The following SLC4A4 variants were observed in gnomAD, a reference collection of about 807,000 sequenced individuals.
The protein encoded by SLC4A4 is electrogenic sodium bicarbonate cotransporter 1.
In SLC4A4, 27 loss-of-function variants were observed where a neutral mutation model predicts 111.5. That is an observed-to-expected ratio of 0.24 (90% CI 0.18 to 0.33). SLC4A4 has a LOEUF of 0.33. Among genes scored for constraint, SLC4A4 ranks in the 10% least tolerant of loss-of-function variants. SLC4A4 has a pLI of 1.00. For missense variants in SLC4A4, 909 were observed against 1,315.5 expected (o/e 0.69, Z 4.78); for synonymous variants, 443 against 463.4 (o/e 0.96, Z 0.57).
At chr4:71,147,483 T>C (rs1481863060) in intron 2 of SLC4A4, among the ~76,000 whole-genome samples, 1 of 152,104 alleles carries the variant, frequency 6.6e-6, no homozygotes, top group Non-Finnish European at 1.5e-5. Flanking sequence ...ACCACAGTGA[T>C]GCTTTTCCTT....
intron 3 of SLC4A4, among the ~76,000 whole-genome samples, chr4:71,320,256 C>T (rs1328668195): frequency 1.3e-5 from 2 of 152,106 alleles, no homozygotes; most frequent in African/African-American, 2.4e-5. Flanking sequence ...TACATATCAA[C>T]ACTGGGTTGC....
chr4:71,227,354 C>T lies in SLC4A4; in HGVS notation c.-1-9222C>T, dbSNP rs2579311. 6.2e-3 allele frequency among the ~76,000 whole-genome samples: 951 copies of T among 152,246 alleles called. 10 individuals are homozygous for T. Among genetic ancestry groups the T allele is most frequent in the African/African-American group, 0.022 (897 of 41,528 alleles). The stretch of plus-strand genomic sequence containing the variant: ...TCATCTTCCATGTAATGAAGAAACA[C>T]TGAAGGCACTTTAAAAGGAGAGATA... On this transcript the variant is annotated intron_variant, in intron 1 of 25. Coordinates refer to ENST00000264485, the MANE Select transcript of SLC4A4 (RefSeq NM_001098484.3).
intron 1 of SLC4A4, among the ~76,000 whole-genome samples, chr4:71,212,090 C>T (rs1343635553): frequency 1.3e-5 from 2 of 152,174 alleles, no homozygotes; most frequent in African/African-American, 4.8e-5. Context: ...AACCTTCCAG[C>T]CTTGGCTTGT....
At chr4:71,255,539 C>T in intron 3 of SLC4A4, 140 bp downstream of exon 3, 2 of 951,726 alleles carry the variant, frequency 2.1e-6, no homozygotes, top group Admixed American at 1.7e-5. Flanking sequence ...AGGATAATGT[C>T]TGTGGAGATG....
At chr4:71,465,716 A>G (rs1455204430) in intron 12 of SLC4A4, among the ~76,000 whole-genome samples, 3 of 151,900 alleles carry the variant, frequency 2.0e-5, no homozygotes, top group African/African-American at 7.2e-5. Flanking sequence ...CTTTGTTTTT[A>G]TTATTCTAAA....
In SLC4A4 at chr4:71,295,241, C is replaced by G. The variant is rs142042559; in HGVS notation, c.253+39842C>G. Among the ~76,000 whole-genome samples the G allele has an allele frequency of 7.2e-5, 11 of 152,250 alleles. No individual in the cohort carries two copies. The East Asian group carries it at 1.5e-3, about 21-fold the overall frequency. On this transcript the variant is annotated intron_variant, in intron 3 of 25. Transcript: ENST00000264485. ...ATTTTGAGTCTTTTCCCATGATACT[C>G]TAACTCACAGGAACGGAACTGTTGC...
chr4:71,484,050 T>A (rs1400744609), intron 14 of SLC4A4, among the ~76,000 whole-genome samples: 1 of 151,974 alleles, frequency 6.6e-6, no homozygotes, highest in African/African-American at 2.4e-5. Context: ...TTTGCTTAAG[T>A]TCCTTATAGA....
In SLC4A4 at chr4:71,276,982, T is replaced by C. The variant is rs184870528; in HGVS notation, c.253+21583T>C. Among the ~76,000 whole-genome samples the C allele has an allele frequency of 6.9e-4, 105 of 152,302 alleles. 1 individual carries two copies. Among genetic ancestry groups the C allele is most frequent in the Admixed American group, 5.9e-3 (90 of 15,304 alleles). On this transcript the variant is annotated intron_variant, in intron 3 of 25. Coordinates refer to ENST00000264485, the MANE Select transcript of SLC4A4 (RefSeq NM_001098484.3). ...ACACTTGAGCCCAGGAGGTCGAGTC[T>C]GTAGTGAGCCAAGATTGTGCCACTG...
At chr4:71,364,803 A>G (rs1731101045) in intron 6 of SLC4A4, among the ~76,000 whole-genome samples, 1 of 152,232 alleles carries the variant, frequency 6.6e-6, no homozygotes, top group African/African-American at 2.4e-5. Context: ...GGGAAAATTT[A>G]GTGACTTTCA....
In SLC4A4 at chr4:71,563,817, G is replaced by A. The variant is rs748878877; in HGVS notation, c.3124G>A (p.Val1042Ile). Reference protein sequence around the residue: ...DDSDCPYSEKVPSIKIPMDIM... With the variant: ...DDSDCPYSEKIPSIKIPMDIM... ...GTCTGACTGCCCATACTCAGAAAAAGTTCCAAGTATTAAAATTCCAATGGA... is the reference window on the plus strand; with the variant it reads ...GTCTGACTGCCCATACTCAGAAAAAATTCCAAGTATTAAAATTCCAATGGA... The change falls in exon 24 of 26, where the codon GTT (valine) becomes ATT (isoleucine). Residue 1042 changes from valine to isoleucine, a missense_variant. This residue lies in a region of SLC4A4 where 85 missense variants were observed against 79.8 expected (regional missense o/e 1.07). Coordinates refer to ENST00000264485, the MANE Select transcript of SLC4A4 (RefSeq NM_001098484.3). 7 of 1,610,738 alleles carry A rather than the reference G, an allele frequency of 4.3e-6. No homozygotes were observed. The highest frequency in any genetic ancestry group is 5.9e-6 in the Non-Finnish European group (7 of 1,177,674).
In SLC4A4 at chr4:71,440,683, T is replaced by C; in HGVS notation, c.875T>C (p.Val292Ala). The change falls in exon 8 of 26, where the codon GTT becomes GCT. Residue 292 changes from valine (V) to alanine (A), a missense_variant. This residue lies in a region of SLC4A4 where 312 missense variants were observed against 402.0 expected (regional missense o/e 0.78). Transcript: ENST00000264485. ...AEASNVLVGEVDFLDTPFIAF... is the reference protein window; with the variant it reads ...AEASNVLVGEADFLDTPFIAF... The stretch of plus-strand genomic sequence containing the variant: ...GCTTCCAACGTGCTTGTTGGGGAGG[T>C]TGACTTTTTGGATACTCCTTTCATT... 1 of 1,613,972 alleles carries C rather than the reference T, an allele frequency of 6.2e-7. No individual in the cohort carries two copies. The highest frequency in any genetic ancestry group is 1.3e-5 in the African/African-American group (1 of 74,980).
At chr4:71,281,816 A>G (rs139418816) in intron 3 of SLC4A4, among the ~76,000 whole-genome samples, 79 of 152,318 alleles carry the variant, frequency 5.2e-4, no homozygotes, top group African/African-American at 1.8e-3. Context: ...CACACTAAAT[A>G]TAGTGATACG....
intron 6 of SLC4A4, among the ~76,000 whole-genome samples, chr4:71,393,537 A>G (rs1459241344): frequency 6.6e-6 from 1 of 152,224 alleles, no homozygotes; most frequent in African/African-American, 2.4e-5. Flanking sequence ...ATGGAAACAT[A>G]TCCCATGCTC....
intron 2 of SLC4A4, among the ~76,000 whole-genome samples, chr4:71,150,770 A>G (rs931639727): frequency 5.9e-5 from 9 of 152,230 alleles, no homozygotes; most frequent in African/African-American, 1.9e-4. Flanking sequence ...TTAAGTTGCC[A>G]AGTGTTCTGG....
chr4:71,407,573 TAA>T (rs1720975869), intron 7 of SLC4A4, among the ~76,000 whole-genome samples: 1 of 152,084 alleles, frequency 6.6e-6, no homozygotes, highest in South Asian at 2.1e-4. Context: ...AATAACAGAA[TAA>T]AAGAGTTTTA....
intron 2 of SLC4A4, among the ~76,000 whole-genome samples, chr4:71,157,823 C>G (rs1315358388): frequency 1.3e-5 from 2 of 152,174 alleles, no homozygotes; most frequent in Non-Finnish European, 2.9e-5. Context: ...AGCTTCTTTG[C>G]TTGCTGGCAT....
chr4:71,424,896 C>T (rs1046171444), intron 7 of SLC4A4, among the ~76,000 whole-genome samples: 5 of 151,736 alleles, frequency 3.3e-5, no homozygotes, highest in East Asian at 3.9e-4. Context: ...TGCTAGATGA[C>T]GAGTTAGTGG....
At chr4:71,308,091 T>A (rs1031604919) in intron 3 of SLC4A4, among the ~76,000 whole-genome samples, 3 of 152,172 alleles carry the variant, frequency 2.0e-5, no homozygotes, top group African/African-American at 7.2e-5. Context: ...TTATCTACTA[T>A]ATACTCTTAT....
intron 2 of SLC4A4, among the ~76,000 whole-genome samples, chr4:71,128,022 GT>G (rs1743604206): frequency 6.6e-6 from 1 of 152,206 alleles, no homozygotes. Context: ...GGAGGCAGAG[GT>G]TGCAGTAAGC....
Sources: gnomAD v4.1 joint callset for allele counts (sites outside exome capture counted in the v4.1 genomes callset) on GRCh38, gnomAD v4.1.1 for gene constraint, gnomAD v4.1.1 regional missense constraint, MANE v1.5 for transcripts, NCBI Gene and HGNC (gene_info 2026-07-23, HGNC 2026-07-21) for gene names.